ATRNL1: variants seen among roughly 807,000 people sequenced by gnomAD.
ATRNL1 encodes attractin-like protein 1.
A neutral mutation model predicts 182.7 loss-of-function variants in ATRNL1; 95 were observed. That is an observed-to-expected ratio of 0.52 (90% confidence interval 0.44 to 0.62). The LOEUF (loss-of-function observed/expected upper bound fraction) is 0.62, where lower values mean the gene tolerates loss of function less well. ATRNL1 is among the 20% of genes least tolerant of loss of function. ATRNL1 has a pLI of 0.00. For synonymous variants in ATRNL1, 576 were observed against 568.3 expected (o/e 1.01, Z -0.19); for missense variants, 1,471 against 1,679.5 (o/e 0.88, Z 2.17).
chr10:115,424,270 CA>C (rs1309431444), intron 20 of ATRNL1, among the ~76,000 whole-genome samples: 1 of 151,924 alleles, frequency 6.6e-6, no homozygotes, highest in Admixed American at 6.6e-5. Flanking sequence ...ATGAAAAAGA[CA>C]AAAAAATAAC....
intron 26 of ATRNL1, among the ~76,000 whole-genome samples, chr10:115,686,264 T>G (rs1486269015): frequency 6.6e-6 from 1 of 151,968 alleles, no homozygotes. Context: ...GACGAAGCAT[T>G]GCCTTTGAGA....
chr10:115,511,248 C>T (rs868931532), intron 24 of ATRNL1, among the ~76,000 whole-genome samples: 5 of 151,850 alleles, frequency 3.3e-5, no homozygotes, highest in East Asian at 3.9e-4. Context: ...TAGATTTCAT[C>T]GTGGATCTTA....
rs1437102309 is a variant in ATRNL1 at position 115,096,630 on chromosome 10, T to C, written c.293+2587T>C. On this transcript the variant is annotated intron_variant, in intron 1 of 28. Coordinates refer to ENST00000355044, the MANE Select transcript of ATRNL1 (RefSeq NM_207303.4). ...TGGTTGGCTCCATGGTAACTTAGCT[T>C]TTTTTCTACTATAGGGATTTCGCCA... 8.6e-6 allele frequency: 11 copies of C among 1,286,432 alleles called. No individual in the cohort carries two copies. The Admixed American group carries it at 1.1e-4, about 13-fold the overall frequency. The allele number at this position is 1,286,432 out of a possible 1,614,324, so 79.7% of individuals were successfully genotyped here.
chr10:115,288,969 C>T (rs1404428794), intron 15 of ATRNL1, among the ~76,000 whole-genome samples: 1 of 152,044 alleles, frequency 6.6e-6, no homozygotes, highest in Non-Finnish European at 1.5e-5. Flanking sequence ...AATATTTTCT[C>T]CTATTAGTCT....
intron 26 of ATRNL1, among the ~76,000 whole-genome samples, chr10:115,678,051 G>T (rs1028003202): frequency 6.6e-6 from 1 of 152,062 alleles, no homozygotes; most frequent in Non-Finnish European, 1.5e-5. Context: ...TGGACTACCA[G>T]GTCTCAGCCT....
chr10:115,501,699 C>T (rs957524616), intron 24 of ATRNL1, among the ~76,000 whole-genome samples: 9 of 152,044 alleles, frequency 5.9e-5, no homozygotes, highest in Admixed American at 5.2e-4. Flanking sequence ...TTATTAGAAG[C>T]TATTAATAGC....
At chr10:115,719,391 C>A (rs1205506072) in intron 26 of ATRNL1, among the ~76,000 whole-genome samples, 1 of 152,102 alleles carries the variant, frequency 6.6e-6, no homozygotes. Flanking sequence ...CAAAGTTTTG[C>A]ATGGAATATT....
intron 28 of ATRNL1, among the ~76,000 whole-genome samples, chr10:115,894,102 G>A (rs1952146806): frequency 1.3e-5 from 2 of 152,160 alleles, no homozygotes; most frequent in Middle Eastern, 3.2e-3. Context: ...ATAAAGCCAG[G>A]TGTCTTCAAC....
intron 24 of ATRNL1, among the ~76,000 whole-genome samples, chr10:115,507,653 C>T (rs186524446): frequency 7.2e-5 from 11 of 152,088 alleles, no homozygotes; most frequent in Admixed American, 2.0e-4. Context: ...TGAGGTAATT[C>T]GGAGTATTAA....
chr10:115,134,222 C>G (rs1428730474), intron 5 of ATRNL1, among the ~76,000 whole-genome samples: 2 of 151,890 alleles, frequency 1.3e-5, no homozygotes, highest in Admixed American at 1.3e-4. Context: ...GACACAAAAC[C>G]CTTCAAAAAA....
At chr10:115,503,893 T>G (rs1257254350) in intron 24 of ATRNL1, among the ~76,000 whole-genome samples, 1 of 151,892 alleles carries the variant, frequency 6.6e-6, no homozygotes, top group Non-Finnish European at 1.5e-5. Context: ...CCCTTTTTAT[T>G]TTTACAACTT....
intron 20 of ATRNL1, among the ~76,000 whole-genome samples, chr10:115,397,221 A>G (rs1489559256): frequency 1.3e-5 from 2 of 151,992 alleles, no homozygotes; most frequent in African/African-American, 4.8e-5. Context: ...GAAGATGAAT[A>G]ACATATGGTT....
intron 4 of ATRNL1, among the ~76,000 whole-genome samples, chr10:115,128,781 C>T (rs959475878): frequency 3.4e-5 from 5 of 148,912 alleles, no homozygotes; most frequent in African/African-American, 5.0e-5. Context: ...GAGCCGAGAT[C>T]GCACCACTGC....
At chr10:115,315,377 G>A in intron 17 of ATRNL1, 141 bp from the exon 18 acceptor site, 1 of 583,092 alleles carries the variant, frequency 1.7e-6, no homozygotes, top group Non-Finnish European at 2.9e-6. Flanking sequence ...TGTCTCTTAA[G>A]TATTATTGCA....
intron 28 of ATRNL1, among the ~76,000 whole-genome samples, chr10:115,935,344 G>C (rs899593305): frequency 1.3e-5 from 2 of 152,250 alleles, no homozygotes; most frequent in Admixed American, 1.3e-4. Flanking sequence ...GCATTCAGTT[G>C]ATGTTAACAG....
intron 28 of ATRNL1, among the ~76,000 whole-genome samples, chr10:115,940,739 T>A (rs1333404420): frequency 6.6e-6 from 1 of 152,138 alleles, no homozygotes; most frequent in Non-Finnish European, 1.5e-5. Context: ...ATACACACTA[T>A]CGAATTCAAT....
Position 115,573,022 on chromosome 10 carries a change from G to A in ATRNL1, c.3795+23486G>A, listed in dbSNP as rs139108090. 2.5e-3 allele frequency among the ~76,000 whole-genome samples: 380 copies of A among 152,252 alleles called. 1 individual carries two copies. The highest frequency in any genetic ancestry group is 8.6e-3 in the African/African-American group (357 of 41,550). Reference sequence around the variant, plus strand: ...CAAAGCTCTTTCAGCTTTGCCTTCCGCAGAAGGCTTGAGTGTTAATCAGTT... The same window carrying A: ...CAAAGCTCTTTCAGCTTTGCCTTCCACAGAAGGCTTGAGTGTTAATCAGTT... On this transcript the variant is annotated intron_variant, in intron 26 of 28. Transcript: ENST00000355044.
chr10:115,335,675 A>G (rs1855448743), intron 19 of ATRNL1, among the ~76,000 whole-genome samples: 1 of 152,182 alleles, frequency 6.6e-6, no homozygotes, highest in African/African-American at 2.4e-5. Flanking sequence ...TCCCTTACAT[A>G]GTGGTGTAGT....
chr10:115,218,944 A>G (rs1204950918), intron 9 of ATRNL1, among the ~76,000 whole-genome samples: 2 of 152,168 alleles, frequency 1.3e-5, no homozygotes, highest in African/African-American at 4.8e-5. Flanking sequence ...TGTGTATAAG[A>G]GAAGACATGC....
Sources: allele counts gnomAD v4.1 joint callset (sites outside exome capture counted in the v4.1 genomes callset), GRCh38; gene constraint gnomAD v4.1.1; transcripts MANE v1.5; gene names NCBI Gene and HGNC (gene_info 2026-07-23, HGNC 2026-07-21).